The following EHMT1 variants were observed in gnomAD, a reference collection of about 807,000 sequenced individuals.
EHMT1 encodes the protein histone-lysine N-methyltransferase EHMT1.
EHMT1 carries 15 observed loss-of-function variants against 147.2 expected under a neutral mutation model. That is an observed-to-expected ratio of 0.10 (90% CI 0.07 to 0.16). The LOEUF (loss-of-function observed/expected upper bound fraction) is 0.16. Among genes scored for constraint, EHMT1 ranks in the 10% least tolerant of loss-of-function variants. The pLI, the probability that EHMT1 is intolerant of heterozygous loss-of-function variation, is 1.00. For synonymous variants in EHMT1, 795 were observed against 709.6 expected, an observed-to-expected ratio of 1.12 and a Z score of -1.91; for missense variants, 1,587 against 1,772.4, an observed-to-expected ratio of 0.90 and a Z score of 1.88.
chr9:137,659,531 C>T (rs1319473136), intron 1 of EHMT1, among the ~76,000 whole-genome samples: 3 of 151,638 alleles, frequency 2.0e-5, no homozygotes, highest in African/African-American at 4.8e-5. Context: ...AAGTGTGTGC[C>T]GCCATGCCTG....
intron 1 of EHMT1, among the ~76,000 whole-genome samples, chr9:137,658,006 A>G (rs764417850): frequency 1.2e-4 from 19 of 152,244 alleles, no homozygotes; most frequent in Non-Finnish European, 2.5e-4. Context: ...TTCACTTAAC[A>G]CAGTGACCTC....
At chr9:137,653,331 T>G (rs144146100) in intron 1 of EHMT1, among the ~76,000 whole-genome samples, 1 of 152,292 alleles carries the variant, frequency 6.6e-6, no homozygotes, top group African/African-American at 2.4e-5. Context: ...CCAGGAGCAA[T>G]AGGCTCTACC....
intron 1 of EHMT1, chr9:137,638,029 T>G (rs1473317341): frequency 6.6e-6 from 1 of 152,112 alleles, no homozygotes; most frequent in African/African-American, 2.4e-5. Flanking sequence ...GCTAATAAAT[T>G]TTGGTAAGTG....
chr9:137,796,008 G>C (rs1364730023), intron 16 of EHMT1, among the ~76,000 whole-genome samples: 1 of 152,238 alleles, frequency 6.6e-6, no homozygotes, highest in Non-Finnish European at 1.5e-5. Flanking sequence ...ACCTCACCCT[G>C]TCAGTAGTTA....
chr9:137,645,582 G>A (rs1844825110), intron 1 of EHMT1, among the ~76,000 whole-genome samples: 1 of 152,192 alleles, frequency 6.6e-6, no homozygotes, highest in African/African-American at 2.4e-5. Context: ...GATAGAAGCA[G>A]CGAAGAGGGG....
intron 1 of EHMT1, among the ~76,000 whole-genome samples, chr9:137,690,216 G>A (rs537541931): frequency 7.9e-5 from 12 of 152,298 alleles, no homozygotes; most frequent in East Asian, 3.9e-4. Flanking sequence ...GCCGATGGAC[G>A]TCATGTAGAA....
intron 1 of EHMT1, among the ~76,000 whole-genome samples, chr9:137,650,437 T>A (rs1054241593): frequency 1.3e-5 from 2 of 152,108 alleles, no homozygotes; most frequent in Non-Finnish European, 2.9e-5. Context: ...ATAGCCAAAC[T>A]AGGGAGTGTG....
At chr9:137,765,258 T>C (rs1950140646) in intron 10 of EHMT1, among the ~76,000 whole-genome samples, 1 of 152,232 alleles carries the variant, frequency 6.6e-6, no homozygotes, top group Non-Finnish European at 1.5e-5. Flanking sequence ...GAAACAAGCT[T>C]CAGCCGGGAT....
At chr9:137,754,013 G>A (rs541124814) in intron 7 of EHMT1, among the ~76,000 whole-genome samples, 158 bp from the exon 8 acceptor site, 35 of 152,186 alleles carry the variant, frequency 2.3e-4, no homozygotes, top group Non-Finnish European at 2.8e-4. Flanking sequence ...GCCTTTAAGC[G>A]TGTGACCCAG....
In EHMT1 at chr9:137,748,403, G is replaced by A. The variant is rs150912224; in HGVS notation, c.1171-3928G>A. Reference sequence around the variant, plus strand: ...TATGGCTGCTCTCGTGTCTGTGTCCGTCCCACTGTGGATGGCCTGTGGGTG... The same window carrying A: ...TATGGCTGCTCTCGTGTCTGTGTCCATCCCACTGTGGATGGCCTGTGGGTG... On this transcript the variant is annotated intron_variant, in intron 6 of 26. Transcript: ENST00000460843. 1.6e-4 allele frequency among the ~76,000 whole-genome samples: 24 copies of A among 152,324 alleles called. No homozygotes were observed. In the East Asian group the frequency reaches 3.9e-3, roughly 24 times the overall value.
intron 5 of EHMT1, 104 bp from the exon 6 acceptor site, chr9:137,743,798 C>T: frequency 7.2e-7 from 1 of 1,386,516 alleles, no homozygotes; most frequent in South Asian, 1.3e-5. Flanking sequence ...CGCCTCCCCA[C>T]AGGCCCTTGC....
In EHMT1 at chr9:137,694,944, A is replaced by C. The variant is rs978045675; in HGVS notation, c.22-16023A>C. Reference sequence around the variant, plus strand: ...ATTAGTGGCGGTAAGAACGGCAAGTAGCCGTTTCCAGCTTGACTGCCCTTA... The same window carrying C: ...ATTAGTGGCGGTAAGAACGGCAAGTCGCCGTTTCCAGCTTGACTGCCCTTA... On this transcript the variant is annotated intron_variant, in intron 1 of 26. Transcript: ENST00000460843. Among the ~76,000 whole-genome samples, 6 of 152,328 alleles carry C rather than the reference A, an allele frequency of 3.9e-5. No individual in the cohort carries two copies. In the East Asian group the frequency reaches 5.8e-4, roughly 15 times the overall value.
intron 1 of EHMT1, among the ~76,000 whole-genome samples, chr9:137,620,608 G>C (rs1842896382): frequency 1.3e-5 from 2 of 152,062 alleles, no homozygotes; most frequent in Non-Finnish European, 2.9e-5. Flanking sequence ...GCCCAGGCTG[G>C]TCTTGAACTT....
chr9:137,731,179 C>G lies in EHMT1; in HGVS notation c.823+2650C>G. Among the ~76,000 whole-genome samples the G allele has an allele frequency of 6.6e-6, 1 of 152,202 alleles. No individual in the cohort carries two copies. Among genetic ancestry groups the G allele is most frequent in the Non-Finnish European group, 1.5e-5 (1 of 68,026 alleles). On this transcript the variant is annotated intron_variant, in intron 4 of 26. Transcript: ENST00000460843. The surrounding 1 kb of genome is among the most constrained non-coding windows in gnomAD (Gnocchi z 4.3). Reference sequence around the variant, plus strand: ...CCACCACCCCTTCCTTATCCGTAACCTGGAAGTGGGTGGTCCATCAGCGTG... The same window carrying G: ...CCACCACCCCTTCCTTATCCGTAACGTGGAAGTGGGTGGTCCATCAGCGTG...
chr9:137,705,459 G>A (rs1564612073), intron 1 of EHMT1, among the ~76,000 whole-genome samples: 1 of 152,230 alleles, frequency 6.6e-6, no homozygotes, highest in East Asian at 1.9e-4. Flanking sequence ...GTGTTTGAGT[G>A]AGAATTGGAA....
In EHMT1 at chr9:137,635,000, G is replaced by T. The variant is rs1589057727; in HGVS notation, c.21+15951G>T. Among the ~76,000 whole-genome samples the T allele has an allele frequency of 2.0e-5, 3 of 150,014 alleles. No homozygotes were observed. The South Asian group carries it at 6.3e-4, about 32-fold the overall frequency. ...CTCCCAAAGTGCTGGGATTACAGGT[G>T]TGAGCCACTGCGCCCGGCTGTCACT... On this transcript the variant is annotated intron_variant, in intron 1 of 26. Coordinates refer to ENST00000460843, the MANE Select transcript of EHMT1 (RefSeq NM_024757.5).
At chr9:137,810,704 G>GT (rs560047331) in intron 18 of EHMT1, among the ~76,000 whole-genome samples, 6,894 of 143,598 alleles carry the variant, frequency 0.048, 469 homozygotes, top group African/African-American at 0.15. Context: ...AAAATTTTTT[G>GT]TTTTTTTTTT....
chr9:137,759,808 G>A (rs574013373), intron 9 of EHMT1, among the ~76,000 whole-genome samples: 4 of 152,204 alleles, frequency 2.6e-5, no homozygotes, highest in Admixed American at 1.3e-4. Context: ...GTCAAGTGGC[G>A]CTGGATGGCG....
chr9:137,735,860 C>CAGGAAGCAGACAGACTTCCTG (rs1947488931), intron 4 of EHMT1, among the ~76,000 whole-genome samples: 1 of 152,196 alleles, frequency 6.6e-6, no homozygotes, highest in Non-Finnish European at 1.5e-5. Flanking sequence ...TGATCGCTTG[C>CAGGAAGCAGACAGACTTCCTG]ACATGCCTGC....
Sources: gnomAD v4.1 joint callset for allele counts (sites outside exome capture counted in the v4.1 genomes callset) on GRCh38, gnomAD v4.1.1 for gene constraint, Gnocchi (gnomAD v3.1) non-coding constraint, MANE v1.5 for transcripts, NCBI Gene and HGNC (gene_info 2026-07-23, HGNC 2026-07-21) for gene names.